The following SCN8A variants were observed in gnomAD, a reference collection of about 807,000 sequenced individuals.
The protein encoded by SCN8A is sodium voltage-gated channel alpha subunit 8, also known as sodium channel protein type 8 subunit alpha.
SCN8A carries 30 observed loss-of-function variants against 184.1 expected under a neutral mutation model. That is an observed-to-expected ratio of 0.16 (90% CI 0.12 to 0.22). The LOEUF (loss-of-function observed/expected upper bound fraction) is 0.22, where lower values mean the gene tolerates loss of function less well. Among genes scored for constraint, SCN8A ranks in the 10% least tolerant of loss-of-function variants. The pLI is 1.00. For synonymous variants in SCN8A, 852 were observed against 907.0 expected (o/e 0.94, Z 1.09); for missense variants, 1,057 against 2,498.9 (o/e 0.42, Z 12.30).
At chr12:51,617,954 C>T (rs372038407) in intron 1 of SCN8A, among the ~76,000 whole-genome samples, 13 of 152,260 alleles carry the variant, frequency 8.5e-5, no homozygotes, top group African/African-American at 3.1e-4. Context: ...GGGCCAGATA[C>T]ATGCATGCAC....
chr12:51,675,416 C>A (rs945253227), intron 2 of SCN8A, among the ~76,000 whole-genome samples: 1 of 152,192 alleles, frequency 6.6e-6, no homozygotes, highest in African/African-American at 2.4e-5. Context: ...GTGGTGCTAG[C>A]ATTATCTTCA....
intron 1 of SCN8A, among the ~76,000 whole-genome samples, chr12:51,631,467 A>G (rs115460326): frequency 2.6e-5 from 4 of 152,320 alleles, no homozygotes; most frequent in Admixed American, 6.5e-5. Flanking sequence ...CCACTTGTCA[A>G]CTGTCCTGTC....
At chr12:51,730,657 A>G (rs1195184514) in intron 12 of SCN8A, among the ~76,000 whole-genome samples, 2 of 152,218 alleles carry the variant, frequency 1.3e-5, no homozygotes, top group African/African-American at 4.8e-5. Context: ...TCACATCATG[A>G]AAAATGGGAT....
At position 51,654,498 on chromosome 12, in the gene SCN8A, A is replaced by G. The variant is rs553692141; in HGVS notation, c.-54-8266A>G. On this transcript the variant is annotated intron_variant, in intron 1 of 26. Coordinates refer to ENST00000627620, the MANE Select transcript of SCN8A (RefSeq NM_001330260.2). ...TTCCCTTGTCAAAAATCATTTGACC[A>G]TATATGTGAGGGTTTATTTCTGGGC... is the stretch of plus-strand genomic sequence containing the variant. 2.0e-5 allele frequency among the ~76,000 whole-genome samples: 3 copies of G among 152,136 alleles called. No homozygotes were observed. In the South Asian group the frequency reaches 6.2e-4, roughly 32 times the overall value.
intron 12 of SCN8A, 80 bp downstream of exon 12, chr12:51,721,988 C>A (rs1353412675): frequency 6.3e-7 from 1 of 1,596,858 alleles, no homozygotes; most frequent in South Asian, 1.1e-5. Context: ...GCAGTCTCCC[C>A]CGCTCCTTCC....
chr12:51,789,229 C>CAG, intron 23 of SCN8A, 52 bp from the exon 24 acceptor site: 1 of 1,605,254 alleles, frequency 6.2e-7, no homozygotes, highest in Non-Finnish European at 8.5e-7. Flanking sequence ...CTTGGCGTGT[C>CAG]AAACTCCAAA....
intron 19 of SCN8A, among the ~76,000 whole-genome samples, chr12:51,771,007 C>T (rs957517294): frequency 6.6e-6 from 1 of 152,204 alleles, no homozygotes; most frequent in Admixed American, 6.5e-5. Flanking sequence ...TTCAGTTACC[C>T]AGGATGGGAG....
chr12:51,747,089 ATG>A (rs60490453), intron 13 of SCN8A, among the ~76,000 whole-genome samples: 368 of 81,286 alleles, frequency 4.5e-3, no homozygotes, highest in Middle Eastern at 6.6e-3. Flanking sequence ...CTCTGTGTGT[ATG>A]TGTGTGTGTG....
intron 3 of SCN8A, 34 bp from the exon 4 acceptor site, chr12:51,686,334 C>A: frequency 7.3e-7 from 1 of 1,373,816 alleles, no homozygotes; most frequent in South Asian, 1.2e-5. Context: ...AAAGGCAGGC[C>A]AGATTTTAAT....
intron 12 of SCN8A, among the ~76,000 whole-genome samples, chr12:51,743,537 TTTTTCTG>T (rs1942459883): frequency 6.6e-6 from 1 of 152,222 alleles, no homozygotes; most frequent in African/African-American, 2.4e-5. Context: ...ATGGAGTCTC[TTTTTCTG>T]TGCTGAGCCA....
At chr12:51,625,449 T>G (rs995338956) in intron 1 of SCN8A, among the ~76,000 whole-genome samples, 1 of 152,248 alleles carries the variant, frequency 6.6e-6, no homozygotes, top group African/African-American at 2.4e-5. Context: ...CAGTTTTGGA[T>G]GCTTATACAC....
intron 12 of SCN8A, among the ~76,000 whole-genome samples, chr12:51,738,586 C>T (rs572778682): frequency 6.6e-6 from 1 of 152,182 alleles, no homozygotes; most frequent in Admixed American, 6.5e-5. Flanking sequence ...GCTTCCAAAT[C>T]CTCCTGTTCG....
chr12:51,654,504 G>A (rs1447600645), intron 1 of SCN8A, among the ~76,000 whole-genome samples: 2 of 152,190 alleles, frequency 1.3e-5, no homozygotes, highest in African/African-American at 2.4e-5. Context: ...GACCATATAT[G>A]TGAGGGTTTA....
chr12:51,712,692 C>A, intron 11 of SCN8A: 1 of 883,470 alleles, frequency 1.1e-6, no homozygotes, highest in Non-Finnish European at 1.9e-6. Context: ...CCACCGCTAC[C>A]ATATCCACCA....
chr12:51,779,647 T>TG (rs746431010), intron 20 of SCN8A, among the ~76,000 whole-genome samples: 7 of 152,244 alleles, frequency 4.6e-5, no homozygotes, highest in Non-Finnish European at 1.0e-4. Flanking sequence ...GAACTGCCAG[T>TG]GTAACCCTGG....
intron 2 of SCN8A, among the ~76,000 whole-genome samples, chr12:51,681,694 A>G (rs983866980): frequency 2.0e-5 from 3 of 152,248 alleles, no homozygotes; most frequent in Non-Finnish European, 2.9e-5. Context: ...CTGCAGTACA[A>G]TGTCAAACAC....
chr12:51,735,610 C>T (rs573459129), intron 12 of SCN8A, among the ~76,000 whole-genome samples: 3 of 152,284 alleles, frequency 2.0e-5, no homozygotes, highest in South Asian at 2.1e-4. Context: ...CTGGTTGTCC[C>T]GCTTTCCTCA....
chr12:51,759,923 C>T (rs1942736928), intron 14 of SCN8A, among the ~76,000 whole-genome samples: 1 of 152,126 alleles, frequency 6.6e-6, no homozygotes, highest in Non-Finnish European at 1.5e-5. Context: ...GGCCAAAGGG[C>T]AGAAGAAGCT....
At chr12:51,770,118 T>C in intron 18 of SCN8A, 133 bp downstream of exon 18, 4 of 664,086 alleles carry the variant, frequency 6.0e-6, no homozygotes, top group Non-Finnish European at 8.0e-6. Context: ...CCCCACCATT[T>C]TGAAGGAAAC....
Sources: allele counts gnomAD v4.1 joint callset (sites outside exome capture counted in the v4.1 genomes callset), GRCh38; gene constraint gnomAD v4.1.1; transcripts MANE v1.5; gene names NCBI Gene and HGNC (gene_info 2026-07-23, HGNC 2026-07-21).